TFDP2: variants seen among roughly 807,000 people sequenced by gnomAD.
The protein encoded by TFDP2 is transcription factor Dp-2.
In TFDP2, 17 loss-of-function variants were observed where a neutral mutation model predicts 59.3. The observed-to-expected ratio is 0.29, with a 90% CI of 0.20 to 0.43. The LOEUF (loss-of-function observed/expected upper bound fraction) is 0.43, where lower values mean the gene tolerates loss of function less well. Ranked by LOEUF, TFDP2 falls within the 20% of genes least tolerant of loss-of-function variation. The pLI is 1.00. For missense variants in TFDP2, 391 were observed against 528.8 expected (o/e 0.74, Z 2.56); for synonymous variants, 180 against 194.7 (o/e 0.92, Z 0.63).
intron 4 of TFDP2, among the ~76,000 whole-genome samples, chr3:141,999,584 C>G (rs1277153922): frequency 6.6e-6 from 1 of 152,150 alleles, no homozygotes; most frequent in Non-Finnish European, 1.5e-5. Flanking sequence ...TACTGCTAAA[C>G]TAGTTTCCAT....
chr3:142,047,562 C>G (rs2108475479), intron 3 of TFDP2, among the ~76,000 whole-genome samples: 1 of 152,134 alleles, frequency 6.6e-6, no homozygotes, highest in South Asian at 2.1e-4. Flanking sequence ...TTCAGGGAAA[C>G]TTGAATCTAT....
intron 1 of TFDP2, among the ~76,000 whole-genome samples, chr3:142,107,388 C>T (rs1394806095): frequency 6.6e-6 from 1 of 151,868 alleles, no homozygotes; most frequent in South Asian, 2.1e-4. Flanking sequence ...CGTGCCACCA[C>T]GTCTGGCTAA....
intron 3 of TFDP2, among the ~76,000 whole-genome samples, chr3:142,080,405 TAAAA>T (rs2108579467): frequency 6.6e-6 from 1 of 151,296 alleles, no homozygotes; most frequent in Admixed American, 6.6e-5. Context: ...TCACCTTAAC[TAAAA>T]GGAACGCAGG....
chr3:142,123,439 T>C (rs1183802890), intron 1 of TFDP2, among the ~76,000 whole-genome samples: 3 of 152,122 alleles, frequency 2.0e-5, no homozygotes, highest in Non-Finnish European at 1.5e-5. Flanking sequence ...CAGCAATTTT[T>C]GTATTTTTAT....
intron 1 of TFDP2, among the ~76,000 whole-genome samples, chr3:142,122,100 TA>T (rs1454245429): frequency 2.0e-5 from 3 of 152,094 alleles, no homozygotes; most frequent in Non-Finnish European, 4.4e-5. Context: ...CCCAAAGAAC[TA>T]AAAACTCACT....
intron 2 of TFDP2, among the ~76,000 whole-genome samples, chr3:142,097,309 CA>C (rs1302215769): frequency 1.3e-5 from 2 of 152,066 alleles, no homozygotes; most frequent in Admixed American, 6.6e-5. Context: ...CAAAAACAGA[CA>C]AAATGTTCCA....
At chr3:142,126,940 T>G (rs1473084755) in intron 1 of TFDP2, among the ~76,000 whole-genome samples, 23 of 138,784 alleles carry the variant, frequency 1.7e-4, no homozygotes, top group African/African-American at 6.1e-4. Flanking sequence ...AGTGAGACCT[T>G]GTCTCAAAAA....
Position 141,948,520 on chromosome 3 carries a change from CGACA to C in TFDP2, c.*3989_*3992del, listed in dbSNP as rs1935510791. The stretch of plus-strand genomic sequence containing the variant: ...ATTGCGCCACTACACTCCAGCCTGG[CGACA>C]GAGCAAGACTCCGTCTCAAAAAAAA... On this transcript the variant is annotated 3_prime_UTR_variant, in exon 13 of 13. Coordinates refer to ENST00000489671, the MANE Select transcript of TFDP2 (RefSeq NM_001178139.2). 2 of 148,054 alleles carry C rather than the reference CGACA, an allele frequency of 1.4e-5. No individual in the cohort carries two copies. The highest frequency in any genetic ancestry group is 2.0e-4 in the East Asian group (1 of 4,944). 9.2% of individuals were successfully genotyped at this position (148,054 alleles called of 1,614,324 possible). A position where few individuals can be genotyped will look rare whatever the true frequency, so the allele number is the denominator to read the frequency against.
intron 3 of TFDP2, among the ~76,000 whole-genome samples, chr3:142,038,585 G>A (rs1946808082): frequency 2.0e-5 from 3 of 151,982 alleles, no homozygotes; most frequent in Non-Finnish European, 2.9e-5. Context: ...TTTATATAAT[G>A]TCCAAAATAC....
chr3:142,001,272 C>A (rs1228288664), intron 4 of TFDP2, among the ~76,000 whole-genome samples: 1 of 152,188 alleles, frequency 6.6e-6, no homozygotes, highest in African/African-American at 2.4e-5. Context: ...CCACCTGTGC[C>A]CTCTAGAGGA....
chr3:142,096,129 C>T (rs1254830602), intron 2 of TFDP2, among the ~76,000 whole-genome samples: 1 of 152,152 alleles, frequency 6.6e-6, no homozygotes, highest in Non-Finnish European at 1.5e-5. Flanking sequence ...TAAGAACCAA[C>T]AAATTGTACT....
intron 11 of TFDP2, among the ~76,000 whole-genome samples, chr3:141,958,872 T>C (rs574723249): frequency 3.3e-5 from 5 of 152,046 alleles, no homozygotes; most frequent in African/African-American, 1.2e-4. Context: ...TGAATTCAAT[T>C]AATCAAATGT....
chr3:142,102,287 A>T (rs746626307), intron 1 of TFDP2, among the ~76,000 whole-genome samples: 16 of 152,214 alleles, frequency 1.1e-4, no homozygotes, highest in Non-Finnish European at 1.5e-5. Context: ...CAACAACTGA[A>T]CACCAAAGTA....
At chr3:141,990,124 C>T (rs1413378945) in intron 6 of TFDP2, among the ~76,000 whole-genome samples, 6 of 152,084 alleles carry the variant, frequency 3.9e-5, no homozygotes, top group African/African-American at 7.2e-5. Context: ...GAACTCCTGA[C>T]CTCAAGTGAT....
chr3:142,052,545 A>G (rs531520005), intron 3 of TFDP2, among the ~76,000 whole-genome samples: 38 of 147,516 alleles, frequency 2.6e-4, no homozygotes, highest in African/African-American at 8.4e-4. Context: ...TGTCTCAAAG[A>G]AAAAAAAAAA....
At chr3:141,994,880 G>A (rs1364424603) in intron 5 of TFDP2, 140 bp downstream of exon 5, 5 of 647,124 alleles carry the variant, frequency 7.7e-6, no homozygotes, top group South Asian at 4.3e-5. Context: ...GATATAAAGT[G>A]AAATAAAATA....
intron 1 of TFDP2, among the ~76,000 whole-genome samples, chr3:142,119,555 T>C (rs926524262): frequency 7.2e-5 from 11 of 152,128 alleles, no homozygotes; most frequent in Non-Finnish European, 1.6e-4. Flanking sequence ...AAATTAAATA[T>C]AGAATTACCA....
chr3:142,000,059 C>T (rs1169429263), intron 4 of TFDP2, among the ~76,000 whole-genome samples: 7 of 152,070 alleles, frequency 4.6e-5, no homozygotes, highest in Non-Finnish European at 5.9e-5. Context: ...TTTAACTAAA[C>T]AAAAACTTTT....
intron 11 of TFDP2, among the ~76,000 whole-genome samples, chr3:141,954,747 C>A (rs529125962): frequency 6.6e-6 from 1 of 152,188 alleles, no homozygotes; most frequent in Admixed American, 6.5e-5. Context: ...AAAAGAAATT[C>A]TATAAGCCCA....
Sources: gnomAD v4.1 joint callset for allele counts (sites outside exome capture counted in the v4.1 genomes callset) on GRCh38, gnomAD v4.1.1 for gene constraint, MANE v1.5 for transcripts, NCBI Gene and HGNC (gene_info 2026-07-23, HGNC 2026-07-21) for gene names.